Variants in FER1L6 observed in about 807,000 individuals in gnomAD.
FER1L6 encodes fer-1-like protein 6.
FER1L6 carries 177 observed loss-of-function variants against 219.2 expected under a neutral mutation model. The observed-to-expected ratio is 0.81, with a 90% confidence interval of 0.71 to 0.91. The LOEUF (loss-of-function observed/expected upper bound fraction) is 0.91. FER1L6 is among the 40% of genes least tolerant of loss of function. The probability of loss-of-function intolerance (pLI) is 0.00; values close to 1 mark genes in which losing one functional copy is unlikely to be tolerated. For missense variants in FER1L6, 2,153 were observed against 2,259.9 expected (o/e 0.95, Z 0.96); for synonymous variants, 768 against 824.3 (o/e 0.93, Z 1.17).
chr8:123,973,654 A>G (rs1815923651), intron 7 of FER1L6, 142 bp downstream of exon 7: 3 of 682,660 alleles, frequency 4.4e-6, no homozygotes, highest in Admixed American at 4.8e-5. Context: ...ATGAGACATA[A>G]CTCTTGCCCT....
rs115887222 is a variant in FER1L6, at chr8:123,906,772, C to T, written c.-7-49220C>T. On this transcript the variant is annotated intron_variant, in intron 1 of 40. Coordinates refer to ENST00000522917, the MANE Select transcript of FER1L6 (RefSeq NM_001039112.2). ...CCAAGATCACGCCACTGCACTCTAG[C>T]CTGCTGGGTAATAGAGCAAGACTTC... 1.4e-3 allele frequency among the ~76,000 whole-genome samples: 208 copies of T among 150,802 alleles called. 1 individual carries two copies. Among genetic ancestry groups the T allele is most frequent in the African/African-American group, 5.1e-3 (207 of 40,978 alleles).
At chr8:124,105,498 T>C (rs576695861) in intron 39 of FER1L6, among the ~76,000 whole-genome samples, 13 of 151,992 alleles carry the variant, frequency 8.6e-5, no homozygotes, top group African/African-American at 2.9e-4. Context: ...AGGGTCAAAA[T>C]TGGAGAGAGA....
At chr8:124,004,923 G>A (rs548870982) in intron 13 of FER1L6, among the ~76,000 whole-genome samples, 2 of 151,756 alleles carry the variant, frequency 1.3e-5, no homozygotes, top group African/African-American at 4.8e-5. Flanking sequence ...GCTTGAACCC[G>A]GGAGGCAGAG....
chr8:123,916,797 A>G (rs1192115285), intron 1 of FER1L6, among the ~76,000 whole-genome samples: 1 of 152,176 alleles, frequency 6.6e-6, no homozygotes, highest in African/African-American at 2.4e-5. Context: ...TCTGACAGCC[A>G]AGACCCACTT....
chr8:123,990,802 T>C (rs1289716386), intron 12 of FER1L6, among the ~76,000 whole-genome samples: 1 of 152,196 alleles, frequency 6.6e-6, no homozygotes, highest in Admixed American at 6.5e-5. Context: ...TAGGACTGTG[T>C]CGTGAATAGA....
At chr8:123,976,181 G>C (rs1197675194) in intron 9 of FER1L6, 97 bp downstream of exon 9, 1 of 1,085,840 alleles carries the variant, frequency 9.2e-7, no homozygotes, top group Non-Finnish European at 1.3e-6. Context: ...AAATTAGGAA[G>C]TGCCTTGAAA....
chr8:124,049,453 G>A (rs4871459), intron 21 of FER1L6, among the ~76,000 whole-genome samples, 154 bp from the exon 22 acceptor site: 126,378 of 152,072 alleles, frequency 0.83, 52,717 homozygotes, highest in Non-Finnish European at 0.87. Flanking sequence ...CAGACCTACG[G>A]AAATGGGCAA....
intron 26 of FER1L6, 71 bp from the exon 27 acceptor site, chr8:124,066,357 C>T: frequency 6.4e-7 from 1 of 1,554,222 alleles, no homozygotes; most frequent in South Asian, 1.2e-5. Context: ...TTCTTCCTCA[C>T]AAGCCAGTTG....
chr8:124,032,909 A>G (rs2130695494), intron 18 of FER1L6, among the ~76,000 whole-genome samples: 1 of 152,382 alleles, frequency 6.6e-6, no homozygotes, highest in Non-Finnish European at 1.5e-5. Context: ...CAGATTCTCA[A>G]AATTTCCCAG....
intron 1 of FER1L6, among the ~76,000 whole-genome samples, chr8:123,911,041 T>C (rs151042428): frequency 6.6e-6 from 1 of 152,148 alleles, no homozygotes; most frequent in African/African-American, 2.4e-5. Flanking sequence ...AAGGTGATGG[T>C]TATCATGACA....
intron 1 of FER1L6, among the ~76,000 whole-genome samples, chr8:123,920,322 G>T (rs1174091445): frequency 6.6e-6 from 1 of 152,230 alleles, no homozygotes; most frequent in African/African-American, 2.4e-5. Context: ...GTTGTGACTT[G>T]TGTCTGACCT....
Position 123,987,872 on chromosome 8 carries a change from G to A in FER1L6, c.1519+1696G>A, listed in dbSNP as rs557369294. On this transcript the variant is annotated intron_variant, in intron 12 of 40. Transcript: ENST00000522917. Reference sequence around the variant, plus strand: ...CACACCTGTAATCCCAGCAGTTTGGGAGGCTGAGGCAGGCGGATCACGAGG... The same window carrying A: ...CACACCTGTAATCCCAGCAGTTTGGAAGGCTGAGGCAGGCGGATCACGAGG... Among the ~76,000 whole-genome samples the A allele has an allele frequency of 2.2e-3, 336 of 152,272 alleles. 1 individual carries two copies. Among genetic ancestry groups the A allele is most frequent in the African/African-American group, 7.7e-3 (321 of 41,554 alleles).
rs1191407108 is a variant in FER1L6 at position 123,953,368 on chromosome 8, C to G, written c.-7-2624C>G. 2.6e-5 allele frequency among the ~76,000 whole-genome samples: 4 copies of G among 152,202 alleles called. No individual in the cohort carries two copies. The East Asian group carries it at 7.7e-4, about 29-fold the overall frequency. On this transcript the variant is annotated intron_variant, in intron 1 of 40. Transcript: ENST00000522917. ...CTGAGCTGCGCCTAGACCACTGCTTCTCAACACTGGGTCTGCCGTAGAGTA... is the reference window on the plus strand; with the variant it reads ...CTGAGCTGCGCCTAGACCACTGCTTGTCAACACTGGGTCTGCCGTAGAGTA...
rs537094791 is a variant in FER1L6, at chr8:123,961,780, A to G, written c.77-1498A>G. Among the ~76,000 whole-genome samples, 12 of 152,184 alleles carry G rather than the reference A, an allele frequency of 7.9e-5. No homozygotes were observed. The South Asian group carries it at 2.5e-3, about 32-fold the overall frequency. ...TAAATGTATTAGAATTAGGCCCTAT[A>G]TGTAAAAAGATCTTTTTAAGAAACA... On this transcript the variant is annotated intron_variant, in intron 2 of 40. Transcript: ENST00000522917.
intron 1 of FER1L6, among the ~76,000 whole-genome samples, chr8:123,934,762 G>C (rs892561858): frequency 1.4e-4 from 22 of 151,986 alleles, no homozygotes; most frequent in African/African-American, 4.8e-4. Context: ...CCCACGTGTT[G>C]GGGGGGAGGG....
intron 18 of FER1L6, among the ~76,000 whole-genome samples, chr8:124,034,677 G>C (rs2130703352): frequency 6.6e-6 from 1 of 152,348 alleles, no homozygotes; most frequent in East Asian, 1.9e-4. Context: ...CAGGAGGAAA[G>C]TGCATGGCAG....
chr8:123,947,713 TG>T (rs1814566133), intron 1 of FER1L6, among the ~76,000 whole-genome samples: 2 of 152,198 alleles, frequency 1.3e-5, no homozygotes, highest in African/African-American at 4.8e-5. Flanking sequence ...AGGAGAAGGA[TG>T]TTTTTTCAAG....
chr8:124,063,378 G>T (rs1178914276), intron 25 of FER1L6, among the ~76,000 whole-genome samples: 1 of 151,952 alleles, frequency 6.6e-6, no homozygotes, highest in African/African-American at 2.4e-5. Context: ...TCACCCCTTG[G>T]TCACAAAGAT....
At chr8:123,986,708 T>C (rs1415753488) in intron 12 of FER1L6, among the ~76,000 whole-genome samples, 3 of 152,142 alleles carry the variant, frequency 2.0e-5, no homozygotes, top group African/African-American at 7.2e-5. Flanking sequence ...ACTCTCTATC[T>C]CAATGAGTTT....
Sources: gnomAD v4.1 joint callset for allele counts (sites outside exome capture counted in the v4.1 genomes callset) on GRCh38, gnomAD v4.1.1 for gene constraint, MANE v1.5 for transcripts, NCBI Gene and HGNC (gene_info 2026-07-23, HGNC 2026-07-21) for gene names.